CLPSL1: variants seen among roughly 807,000 people sequenced by gnomAD.
The protein encoded by CLPSL1 is colipase like 1, also known as colipase-like protein 1.
CLPSL1 carries 13 observed loss-of-function variants against 9.3 expected under a neutral mutation model. The observed-to-expected ratio is 1.40, with a 90% CI of 0.91 to 2.22. CLPSL1 has a LOEUF of 2.22. Ranked by LOEUF, CLPSL1 falls within the 30% of genes most tolerant of loss-of-function variation. CLPSL1 has a pLI of 0.00. For missense variants in CLPSL1, 164 were observed against 146.6 expected, an observed-to-expected ratio of 1.12 and a Z score of -0.61; for synonymous variants, 58 against 56.9, an observed-to-expected ratio of 1.02 and a Z score of -0.08.
chr6:35,788,902 AT>A (rs1427961566), downstream of CLPSL1, among the ~76,000 whole-genome samples: 2 of 152,346 alleles, frequency 1.3e-5, no homozygotes, highest in East Asian at 3.9e-4. Context: ...ATTATTTCAG[AT>A]TTTGGACCTA....
intron 1 of CLPSL1, chr6:35,793,348 C>A: frequency 4.7e-6 from 2 of 429,752 alleles, no homozygotes; most frequent in Admixed American, 2.7e-5. Context: ...TCGCATGAAC[C>A]CAGGAGGCAG....
chr6:35,782,450 G>A (rs1767984220), intron 1 of CLPSL1, among the ~76,000 whole-genome samples: 1 of 152,180 alleles, frequency 6.6e-6, no homozygotes, highest in Admixed American at 6.5e-5. Flanking sequence ...TTGCTAGCGG[G>A]GGAAATAAAT....
At position 35,786,909 on chromosome 6, in the gene CLPSL1, A is replaced by C. The variant is rs1012638469; in HGVS notation, c.100-89A>C. 26 of 1,463,694 alleles carry C rather than the reference A, an allele frequency of 1.8e-5. No homozygotes were observed. The African/African-American group carries it at 2.4e-4, about 13-fold the overall frequency. 90.7% of individuals were successfully genotyped at this position (1,463,694 alleles called of 1,614,324 possible). ...GTGATGGTGGGAGCAGAGTCTGGGG[A>C]GGAGCCCCGTAGGGAGAAAGCCCCA... On this transcript the variant is annotated intron_variant, in intron 1 of 2. Transcript: ENST00000373861.
At chr6:35,782,667 GGA>G (rs1324506067) in intron 1 of CLPSL1, among the ~76,000 whole-genome samples, 2 of 152,126 alleles carry the variant, frequency 1.3e-5, no homozygotes, top group East Asian at 1.9e-4. Context: ...GGCCAGGTGT[GGA>G]TTCAGAGCCC....
At chr6:35,788,696 AAGG>A (rs1371875160), downstream of CLPSL1, among the ~76,000 whole-genome samples, 3 of 152,232 alleles carry the variant, frequency 2.0e-5, no homozygotes, top group Non-Finnish European at 4.4e-5. Flanking sequence ...GAAAAGAAGG[AAGG>A]AAGGAAGGAA....
chr6:35,789,011 T>C, downstream of CLPSL1, among the ~76,000 whole-genome samples: 1 of 152,274 alleles, frequency 6.6e-6, no homozygotes, highest in East Asian at 1.9e-4. Context: ...AAACTATGGT[T>C]GTACTTAGAA....
downstream of CLPSL1, among the ~76,000 whole-genome samples, chr6:35,791,662 G>A (rs1581957572): frequency 6.6e-6 from 1 of 152,180 alleles, no homozygotes; most frequent in African/African-American, 2.4e-5. Context: ...CAGGTGTGGT[G>A]GCTTGTGCCT....
chr6:35,790,919 G>A (rs1831031), downstream of CLPSL1, among the ~76,000 whole-genome samples: 22,835 of 146,366 alleles, frequency 0.16, 5 homozygotes, highest in East Asian at 0.23. Context: ...TGGCACGCAC[G>A]TGTAGTCCTA....
downstream of CLPSL1, among the ~76,000 whole-genome samples, chr6:35,792,293 T>G (rs1360893278): frequency 6.6e-6 from 1 of 152,176 alleles, no homozygotes; most frequent in Non-Finnish European, 1.5e-5. Flanking sequence ...AAAAAGTATT[T>G]AATACACCTA....
intron 1 of CLPSL1, 57 bp downstream of exon 1, chr6:35,781,266 A>C (rs1767962306): frequency 1.9e-6 from 3 of 1,586,016 alleles, no homozygotes; most frequent in Non-Finnish European, 2.6e-6. Flanking sequence ...GGCCTGTACT[A>C]TTTGGGGAGG....
downstream of CLPSL1, among the ~76,000 whole-genome samples, chr6:35,792,052 C>T (rs1768228633): frequency 6.7e-6 from 1 of 150,032 alleles, no homozygotes; most frequent in South Asian, 2.1e-4. Flanking sequence ...CACTATTGCA[C>T]TCCACTCTGG....
At chr6:35,790,334 A>T (rs1392709683), downstream of CLPSL1, among the ~76,000 whole-genome samples, 1 of 152,268 alleles carries the variant, frequency 6.6e-6, no homozygotes, top group Non-Finnish European at 1.5e-5. Flanking sequence ...TAGCCTAATA[A>T]GGAAAAAAAA....
At chr6:35,792,081 A>G (rs1768229801), downstream of CLPSL1, among the ~76,000 whole-genome samples, 1 of 150,956 alleles carries the variant, frequency 6.6e-6, no homozygotes, top group Admixed American at 6.6e-5. Flanking sequence ...GACAGACTCC[A>G]TCTTCCCCCC....
At chr6:35,790,798 T>C (rs1768171041), downstream of CLPSL1, among the ~76,000 whole-genome samples, 2 of 152,250 alleles carry the variant, frequency 1.3e-5, no homozygotes, top group Non-Finnish European at 2.9e-5. Flanking sequence ...TGCAGGGCTC[T>C]GCATTTAGGC....
Position 35,785,946 on chromosome 6 carries a change from CAAA to C in CLPSL1, c.100-1035_100-1033del, listed in dbSNP as rs35079833. ...CCTGGGTGACAGAGTGAGACTTTGT[CAAA>C]AAAAAAAAAAAAAAAAGGAAAGGAA... On this transcript the variant is annotated intron_variant, in intron 1 of 2. Coordinates refer to ENST00000373861, the MANE Select transcript of CLPSL1 (RefSeq NM_001010886.5). Among the ~76,000 whole-genome samples, 38 of 110,742 alleles carry C rather than the reference CAAA, an allele frequency of 3.4e-4. 1 individual carries two copies. Among genetic ancestry groups the C allele is most frequent in the Admixed American group, 2.7e-3 (27 of 9,986 alleles). The allele number at this position is 110,742 out of a possible 152,430, so 72.7% of individuals were successfully genotyped here.
chr6:35,781,737 T>C (rs562822416), intron 1 of CLPSL1, among the ~76,000 whole-genome samples: 28 of 140,994 alleles, frequency 2.0e-4, no homozygotes, highest in East Asian at 8.3e-4. Flanking sequence ...TGTTTTTTTT[T>C]TTTTTCTTTT....
At chr6:35,785,306 TA>T (rs1768047394) in intron 1 of CLPSL1, among the ~76,000 whole-genome samples, 1 of 151,414 alleles carries the variant, frequency 6.6e-6, no homozygotes, top group Non-Finnish European at 1.5e-5. Context: ...GCCTCCCAAG[TA>T]GCTGGGACTA....
downstream of CLPSL1, among the ~76,000 whole-genome samples, chr6:35,790,443 G>A (rs1768164423): frequency 1.3e-5 from 2 of 152,250 alleles, no homozygotes; most frequent in Non-Finnish European, 2.9e-5. Flanking sequence ...ATCCTCTTAG[G>A]TTCAGTACTT....
chr6:35,792,968 G>A (rs116421205), downstream of CLPSL1, among the ~76,000 whole-genome samples: 1,943 of 152,150 alleles, frequency 0.013, 28 homozygotes, highest in African/African-American at 0.043. Flanking sequence ...CCTGCCAACT[G>A]AAACCCAATA....
Sources: gnomAD v4.1 joint callset for allele counts (sites outside exome capture counted in the v4.1 genomes callset) on GRCh38, gnomAD v4.1.1 for gene constraint, MANE v1.5 for transcripts, NCBI Gene and HGNC (gene_info 2026-07-23, HGNC 2026-07-21) for gene names.